Variants in CNTNAP2 observed in about 807,000 individuals in gnomAD.
The protein encoded by CNTNAP2 is contactin associated protein 2.
Under a neutral mutation model 155.2 loss-of-function variants are expected in CNTNAP2, and 98 were observed. The ratio of observed to expected loss-of-function variants is 0.63; its 90% CI spans 0.54 to 0.75. The LOEUF is 0.75. Among genes scored for constraint, CNTNAP2 ranks in the 30% least tolerant of loss-of-function variants. The pLI is 0.00. For missense variants in CNTNAP2, 1,727 were observed against 1,688.1 expected, an observed-to-expected ratio of 1.02 and a Z score of -0.40; for synonymous variants, 651 against 631.2, an observed-to-expected ratio of 1.03 and a Z score of -0.47.
chr7:146,163,358 G>A (rs1213344778), intron 1 of CNTNAP2, among the ~76,000 whole-genome samples: 1 of 151,154 alleles, frequency 6.6e-6, no homozygotes, highest in Admixed American at 6.6e-5. Flanking sequence ...AGGATCACCT[G>A]AGGTCAGGAG....
At chr7:147,097,657 T>A (rs1800568510) in intron 4 of CNTNAP2, 1 of 152,166 alleles carries the variant, frequency 6.6e-6, no homozygotes, top group Admixed American at 6.5e-5. Flanking sequence ...GTGGGAATTA[T>A]GGGAGTACAA....
chr7:146,159,719 G>A (rs1455087538), intron 1 of CNTNAP2, among the ~76,000 whole-genome samples: 1 of 152,100 alleles, frequency 6.6e-6, no homozygotes, highest in African/African-American at 2.4e-5. Context: ...ACCCAATACA[G>A]GAGCACACAG....
chr7:148,385,088 G>T (rs764238152), intron 22 of CNTNAP2, among the ~76,000 whole-genome samples: 1 of 152,174 alleles, frequency 6.6e-6, no homozygotes, highest in Non-Finnish European at 1.5e-5. Context: ...TTCCGGCCCT[G>T]CACATGGAGT....
At chr7:148,398,442 A>T (rs1298303783) in intron 22 of CNTNAP2, among the ~76,000 whole-genome samples, 2 of 152,350 alleles carry the variant, frequency 1.3e-5, no homozygotes, top group South Asian at 2.1e-4. Flanking sequence ...AAAAGCATTT[A>T]AAAATATTTA....
intron 8 of CNTNAP2, among the ~76,000 whole-genome samples, chr7:147,139,878 A>C (rs1470023555): frequency 1.3e-5 from 2 of 152,102 alleles, no homozygotes; most frequent in Non-Finnish European, 2.9e-5. Flanking sequence ...CATGCATAGA[A>C]AGTAATTACC....
intron 20 of CNTNAP2, among the ~76,000 whole-genome samples, chr7:148,230,119 AC>A (rs1263469647): frequency 6.6e-6 from 1 of 152,216 alleles, no homozygotes; most frequent in African/African-American, 2.4e-5. Flanking sequence ...TCTGAAACTT[AC>A]CGTGTTTCCC....
chr7:146,395,828 A>AGG (rs1584905200), intron 1 of CNTNAP2, among the ~76,000 whole-genome samples: 1 of 85,384 alleles, frequency 1.2e-5, no homozygotes, highest in Non-Finnish European at 2.3e-5. Flanking sequence ...TAGATAGAGG[A>AGG]GAGAGAGAGA....
At chr7:147,729,093 T>C (rs900387703) in intron 13 of CNTNAP2, among the ~76,000 whole-genome samples, 1 of 151,210 alleles carries the variant, frequency 6.6e-6, no homozygotes, top group African/African-American at 2.4e-5. Flanking sequence ...CACTACCATA[T>C]CTGGCTTATT....
intron 21 of CNTNAP2, among the ~76,000 whole-genome samples, chr7:148,316,447 A>C (rs1797691443): frequency 6.6e-6 from 1 of 152,230 alleles, no homozygotes; most frequent in Non-Finnish European, 1.5e-5. Context: ...TACTGCCCAC[A>C]GTCATAATTG....
chr7:147,152,055 C>A (rs1295408490), intron 8 of CNTNAP2, among the ~76,000 whole-genome samples: 1 of 152,020 alleles, frequency 6.6e-6, no homozygotes, highest in East Asian at 1.9e-4. Flanking sequence ...TGTCTTCTGC[C>A]CCCAAATGTG....
intron 1 of CNTNAP2, among the ~76,000 whole-genome samples, chr7:146,489,095 G>A (rs1797101390): frequency 6.6e-6 from 1 of 152,144 alleles, no homozygotes; most frequent in African/African-American, 2.4e-5. Context: ...GCAGTTTGGG[G>A]CCATTTCCCA....
intron 3 of CNTNAP2, among the ~76,000 whole-genome samples, chr7:146,966,701 T>C (rs12666295): frequency 0.023 from 3,440 of 152,230 alleles, 149 homozygotes; most frequent in East Asian, 0.21. Context: ...ACAATGCAAA[T>C]GTACTCAGGA....
intron 13 of CNTNAP2, among the ~76,000 whole-genome samples, chr7:147,839,838 G>A (rs552555118): frequency 1.2e-4 from 19 of 152,122 alleles, no homozygotes; most frequent in East Asian, 3.9e-4. Context: ...TGGAATCACC[G>A]TAAGTGTCTA....
chr7:146,545,121 T>A (rs1025564127), intron 1 of CNTNAP2, among the ~76,000 whole-genome samples: 6 of 151,774 alleles, frequency 4.0e-5, no homozygotes, highest in Admixed American at 2.6e-4. Flanking sequence ...GGAAAGTCAA[T>A]GATTAGGGGA....
chr7:147,934,571 A>G (rs866224068), intron 14 of CNTNAP2, among the ~76,000 whole-genome samples: 2 of 152,334 alleles, frequency 1.3e-5, no homozygotes, highest in South Asian at 4.1e-4. Flanking sequence ...TCAAATAGAA[A>G]TAGAAATCAA....
rs1018855825 is a variant in CNTNAP2 at position 146,939,308 on chromosome 7, T to A, written c.402+99404T>A. On this transcript the variant is annotated intron_variant, in intron 3 of 23. Coordinates refer to ENST00000361727, the MANE Select transcript of CNTNAP2 (RefSeq NM_014141.6). ...TGTAGCTCATTTTCCATTTGGGGAA[T>A]CTATTTCTTATCCATTTGTCCACAT... is the stretch of plus-strand genomic sequence containing the variant. 3.9e-5 allele frequency among the ~76,000 whole-genome samples: 6 copies of A among 152,350 alleles called. No individual in the cohort carries two copies. The South Asian group carries it at 1.2e-3, about 32-fold the overall frequency.
intron 21 of CNTNAP2, among the ~76,000 whole-genome samples, chr7:148,288,334 C>T (rs909054961): frequency 3.3e-5 from 5 of 151,846 alleles, no homozygotes; most frequent in South Asian, 2.1e-4. Context: ...CTCCTGACTT[C>T]GTGATCTGCC....
At chr7:146,474,940 G>T (rs1272830900) in intron 1 of CNTNAP2, among the ~76,000 whole-genome samples, 1 of 152,000 alleles carries the variant, frequency 6.6e-6, no homozygotes, top group Non-Finnish European at 1.5e-5. Flanking sequence ...GTGTTCTCTG[G>T]AGCTTAGATC....
chr7:147,999,091 C>A (rs1333748980), intron 15 of CNTNAP2, among the ~76,000 whole-genome samples: 1 of 151,000 alleles, frequency 6.6e-6, no homozygotes, highest in Non-Finnish European at 1.5e-5. Flanking sequence ...TTATAGAAGT[C>A]TTTTTTTTTG....
Sources: allele counts gnomAD v4.1 joint callset (sites outside exome capture counted in the v4.1 genomes callset), GRCh38; gene constraint gnomAD v4.1.1; transcripts MANE v1.5; gene names NCBI Gene and HGNC (gene_info 2026-07-23, HGNC 2026-07-21).